GATAD2B: variants seen among roughly 807,000 people sequenced by gnomAD.
GATAD2B encodes the protein GATA zinc finger domain containing 2B, also known as transcriptional repressor p66-beta.
GATAD2B carries 8 observed loss-of-function variants against 64.3 expected under a neutral mutation model. The observed-to-expected ratio is 0.12, with a 90% CI of 0.07 to 0.22. GATAD2B has a LOEUF of 0.22. Ranked by LOEUF, GATAD2B falls within the 10% of genes least tolerant of loss-of-function variation. The probability of loss-of-function intolerance (pLI) is 1.00; values close to 1 mark genes in which losing one functional copy is unlikely to be tolerated. For missense variants in GATAD2B, 453 were observed against 752.0 expected (o/e 0.60, Z 4.65); for synonymous variants, 281 against 271.3 (o/e 1.04, Z -0.35).
intron 1 of GATAD2B, among the ~76,000 whole-genome samples, chr1:153,893,975 A>G (rs1221349071): frequency 6.6e-6 from 1 of 151,104 alleles, no homozygotes; most frequent in African/African-American, 2.4e-5. Flanking sequence ...AAAAAAAAAA[A>G]AAAAAAACCC....
At chr1:153,880,373 A>C (rs1014498182) in intron 1 of GATAD2B, among the ~76,000 whole-genome samples, 8 of 152,032 alleles carry the variant, frequency 5.3e-5, no homozygotes, top group African/African-American at 1.9e-4. Flanking sequence ...AGGCAGAGGC[A>C]CAAAAATCAC....
rs71093290 is a variant in GATAD2B at position 153,828,455 on chromosome 1, T to TACACACACACACACACAC, written c.-1-125_-1-108dup. ...TTAACAAGAATCTCTCTCTCACACA[T>TACACACACACACACACAC]ACACACACACACACACACACACACA... On this transcript the variant is annotated intron_variant, in intron 1 of 10. Transcript: ENST00000368655. 1.9e-5 allele frequency: 11 copies of TACACACACACACACACAC among 584,302 alleles called. No individual in the cohort carries two copies. In the Admixed American group the frequency reaches 3.3e-4, roughly 18 times the overall value. 36.2% of individuals were successfully genotyped at this position (584,302 alleles called of 1,614,324 possible).
intron 1 of GATAD2B, among the ~76,000 whole-genome samples, chr1:153,891,678 GA>G (rs1677410006): frequency 9.7e-6 from 1 of 103,572 alleles, no homozygotes; most frequent in African/African-American, 3.6e-5. Flanking sequence ...GGGGGGAGGG[GA>G]GGGAAAAGAA....
At chr1:153,905,823 T>C (rs1286450653) in intron 1 of GATAD2B, among the ~76,000 whole-genome samples, 2 of 149,734 alleles carry the variant, frequency 1.3e-5, no homozygotes, top group East Asian at 3.9e-4. Flanking sequence ...TCCCAGCACT[T>C]TGGGAGGCCG....
rs1337412008 is a variant in GATAD2B, at chr1:153,813,264, G to GT, written c.1404_1405insA (p.Leu469ThrfsTer8). The GT allele has an allele frequency of 6.2e-7, 1 of 1,613,920 alleles. No homozygotes were observed. The highest frequency in any genetic ancestry group is 8.5e-7 in the Non-Finnish European group (1 of 1,179,922). On this transcript the variant is annotated frameshift_variant, in exon 8 of 11. Coordinates refer to ENST00000368655, the MANE Select transcript of GATAD2B (RefSeq NM_020699.4). LOFTEE classifies it high-confidence loss of function. ...AGAATTCTTACCTGTTCCTGCTGTA[G>GT]GGCTTTCACAAATGCATTTTTCAGC...
intron 1 of GATAD2B, among the ~76,000 whole-genome samples, chr1:153,878,962 A>G (rs994339031): frequency 6.6e-6 from 1 of 151,024 alleles, no homozygotes; most frequent in Non-Finnish European, 1.5e-5. Flanking sequence ...TTTTCTTGAG[A>G]CAGTCTTGCT....
chr1:153,813,114 A>G (rs1206663785), intron 8 of GATAD2B, 136 bp downstream of exon 8: 2 of 674,462 alleles, frequency 3.0e-6, no homozygotes, highest in African/African-American at 3.6e-5. Flanking sequence ...TGGAAATAGG[A>G]CACAATGATA....
At chr1:153,851,372 C>T (rs1196784670) in intron 1 of GATAD2B, among the ~76,000 whole-genome samples, 1 of 152,094 alleles carries the variant, frequency 6.6e-6, no homozygotes, top group African/African-American at 2.4e-5. Context: ...TACTGTTTTC[C>T]ATAGTGGCCG....
At chr1:153,881,782 C>CGT (rs60620987) in intron 1 of GATAD2B, among the ~76,000 whole-genome samples, 45,629 of 149,844 alleles carry the variant, frequency 0.3, 7,282 homozygotes, top group Admixed American at 0.48. Flanking sequence ...AGGTTTTTTT[C>CGT]GTGTGTGTGT....
intron 1 of GATAD2B, among the ~76,000 whole-genome samples, chr1:153,833,899 G>A (rs1019655107): frequency 1.3e-5 from 2 of 151,610 alleles, no homozygotes; most frequent in African/African-American, 2.4e-5. Flanking sequence ...CAGTGCTTTC[G>A]AGGCCAACGT....
chr1:153,901,823 A>AT (rs1677782558), intron 1 of GATAD2B, among the ~76,000 whole-genome samples: 1 of 142,348 alleles, frequency 7.0e-6, no homozygotes, highest in African/African-American at 2.6e-5. Context: ...AACTCTTGCT[A>AT]AAAATAAATA....
At chr1:153,820,758 T>A (rs1674649620) in intron 2 of GATAD2B, among the ~76,000 whole-genome samples, 1 of 151,736 alleles carries the variant, frequency 6.6e-6, no homozygotes, top group African/African-American at 2.4e-5. Flanking sequence ...GCCTCCTGAG[T>A]AACTGGGACT....
chr1:153,876,259 A>G lies in GATAD2B; in HGVS notation c.-2+46474T>C, dbSNP rs906159528. Among the ~76,000 whole-genome samples, 227 of 134,996 alleles carry G rather than the reference A, an allele frequency of 1.7e-3. 3 individuals are homozygous for G. The highest frequency in any genetic ancestry group is 3.0e-3 in the Admixed American group (37 of 12,306). The allele number at this position is 134,996 out of a possible 152,430, so 88.6% of individuals were successfully genotyped here. ...AAAAAAAAAAAAAAAAAAAAAAAAA[A>G]AGATTTCACAGTCCTTAAATGGCTG... On this transcript the variant is annotated intron_variant, in intron 1 of 10. Coordinates refer to ENST00000368655, the MANE Select transcript of GATAD2B (RefSeq NM_020699.4).
intron 1 of GATAD2B, among the ~76,000 whole-genome samples, chr1:153,880,957 T>A (rs1318799008): frequency 2.0e-5 from 3 of 149,882 alleles, no homozygotes; most frequent in Non-Finnish European, 4.5e-5. Flanking sequence ...AATACCTTTT[T>A]CTTTCTAAGA....
rs149854822 is a variant in GATAD2B at position 153,895,656 on chromosome 1, T to C, written c.-2+27077A>G. Among the ~76,000 whole-genome samples, 3 of 152,208 alleles carry C rather than the reference T, an allele frequency of 2.0e-5. No individual in the cohort carries two copies. In the East Asian group the frequency reaches 5.8e-4, roughly 29 times the overall value. On this transcript the variant is annotated intron_variant, in intron 1 of 10. Transcript: ENST00000368655. ...CATCTGAGGGGCAAAGGAGACATGT[T>C]ACTAAAAATTTATTGACAATATAAT...
intron 1 of GATAD2B, among the ~76,000 whole-genome samples, chr1:153,883,854 T>C (rs1003362926): frequency 6.6e-6 from 1 of 152,188 alleles, no homozygotes; most frequent in African/African-American, 2.4e-5. Context: ...TCCCTCTATA[T>C]GTTGGATTGA....
At chr1:153,823,726 G>GT (rs963248021) in intron 2 of GATAD2B, among the ~76,000 whole-genome samples, 2 of 145,464 alleles carry the variant, frequency 1.4e-5, no homozygotes, top group Non-Finnish European at 3.0e-5. Flanking sequence ...TTTTTTTTTT[G>GT]TTTTTTTGTT....
At chr1:153,857,507 C>T (rs1246729174) in intron 1 of GATAD2B, among the ~76,000 whole-genome samples, 1 of 152,002 alleles carries the variant, frequency 6.6e-6, no homozygotes, top group Non-Finnish European at 1.5e-5. Context: ...AACGGATGCC[C>T]TTTTCTACTG....
At chr1:153,864,272 C>G (rs1401823493) in intron 1 of GATAD2B, among the ~76,000 whole-genome samples, 1 of 152,144 alleles carries the variant, frequency 6.6e-6, no homozygotes, top group Non-Finnish European at 1.5e-5. Context: ...AGAGGGGATA[C>G]AGGAGAAGGA....
Sources: allele counts gnomAD v4.1 joint callset (sites outside exome capture counted in the v4.1 genomes callset), GRCh38; gene constraint gnomAD v4.1.1; transcripts MANE v1.5; gene names NCBI Gene and HGNC (gene_info 2026-07-23, HGNC 2026-07-21).